The following SEMA5A variants were observed in gnomAD, a reference collection of about 807,000 sequenced individuals.
The protein encoded by SEMA5A is semaphorin 5A.
In SEMA5A, 55 loss-of-function variants were observed where a neutral mutation model predicts 135.5. That is an observed-to-expected ratio of 0.41 (90% confidence interval 0.33 to 0.51). The LOEUF (loss-of-function observed/expected upper bound fraction) is 0.51, where lower values mean the gene tolerates loss of function less well. Ranked by LOEUF, SEMA5A falls within the 20% of genes least tolerant of loss-of-function variation. The pLI is 0.37. For synonymous variants in SEMA5A, 580 were observed against 546.5 expected (o/e 1.06, Z -0.85); for missense variants, 1,290 against 1,419.9 (o/e 0.91, Z 1.47).
chr5:9,041,281 A>C lies in SEMA5A; in HGVS notation c.*1616T>G, dbSNP rs1275296974. The C allele has an allele frequency of 6.6e-6, 1 of 152,236 alleles. No individual in the cohort carries two copies. Among genetic ancestry groups the C allele is most frequent in the African/African-American group, 2.4e-5 (1 of 41,460 alleles). The allele number at this position is 152,236 out of a possible 1,614,324, so 9.4% of individuals were successfully genotyped here. ...AGGGTAAAATCACATATGCTAATAA[A>C]ATTCTATGTTCCTTAGTCCCCCTAC... On this transcript the variant is annotated 3_prime_UTR_variant, in exon 23 of 23. Transcript: ENST00000382496.
chr5:9,353,337 TGAAAGGAAAGGAAAGGGAAG>T (rs1754284996), intron 3 of SEMA5A, among the ~76,000 whole-genome samples: 1 of 55,370 alleles, frequency 1.8e-5, no homozygotes, highest in Non-Finnish European at 3.5e-5. Flanking sequence ...GGAAAGGAAA[TGAAAGGAAAGGAAAGGGAAG>T]GAAAGGAAAG....
At chr5:9,150,382 G>A (rs1234836279) in intron 12 of SEMA5A, among the ~76,000 whole-genome samples, 2 of 152,026 alleles carry the variant, frequency 1.3e-5, no homozygotes, top group African/African-American at 2.4e-5. Flanking sequence ...CAGTTTCTCT[G>A]GTACTCTACA....
intron 5 of SEMA5A, among the ~76,000 whole-genome samples, chr5:9,279,143 G>A (rs751180250): frequency 1.3e-5 from 2 of 152,226 alleles, no homozygotes; most frequent in Non-Finnish European, 1.5e-5. Context: ...AAAGCCACAG[G>A]GGCAGAGCTG....
chr5:9,063,103 G>A lies in SEMA5A; in HGVS notation c.2302C>T (p.Leu768Phe), dbSNP rs1372501518. Residue 768 changes from leucine (L) to phenylalanine (F), a missense_variant and splice_region_variant, in exon 18 of 23, where the codon CTT (leucine) becomes TTT (phenylalanine). By Grantham distance (22) the Leu-to-Phe change is conservative (BLOSUM62 0). This residue lies in a region of SEMA5A where 1,029 missense variants were observed against 1,086.6 expected (regional missense o/e 0.95). Coordinates refer to ENST00000382496, the MANE Select transcript of SEMA5A (RefSeq NM_003966.3). ...DGTSGCSTDG[L>F]SGDFLRAGRY... ...CCAGCACGCAGGAAATCCCCAGAAA[G>A]CCCTGCCAAGGAAACAGGTGAAGTG... 1 of 1,610,694 alleles carries A rather than the reference G, an allele frequency of 6.2e-7. No homozygotes were observed. The highest frequency in any genetic ancestry group is 8.5e-7 in the Non-Finnish European group (1 of 1,178,336).
intron 12 of SEMA5A, among the ~76,000 whole-genome samples, chr5:9,139,400 T>C (rs1036793051): frequency 1.3e-5 from 2 of 152,218 alleles, no homozygotes; most frequent in Non-Finnish European, 2.9e-5. Flanking sequence ...CACTGGATGT[T>C]ACCATATTTT....
chr5:9,340,181 G>A (rs1561163889), intron 3 of SEMA5A, among the ~76,000 whole-genome samples: 1 of 152,164 alleles, frequency 6.6e-6, no homozygotes, highest in African/African-American at 2.4e-5. Flanking sequence ...CCATAAAGAT[G>A]TTCTAGTTCA....
intron 18 of SEMA5A, among the ~76,000 whole-genome samples, chr5:9,055,305 A>G (rs1186632270): frequency 6.6e-6 from 1 of 152,240 alleles, no homozygotes; most frequent in Non-Finnish European, 1.5e-5. Context: ...ACGTTGTCAA[A>G]CAAGGTATTA....
intron 16 of SEMA5A, among the ~76,000 whole-genome samples, chr5:9,075,177 T>C (rs969899500): frequency 1.3e-5 from 2 of 152,264 alleles, no homozygotes; most frequent in Non-Finnish European, 2.9e-5. Flanking sequence ...CTGTTTTCTA[T>C]GCAGTAACTC....
chr5:9,279,644 TCACAGG>T (rs1750442030), intron 5 of SEMA5A, among the ~76,000 whole-genome samples: 1 of 152,052 alleles, frequency 6.6e-6, no homozygotes, highest in Non-Finnish European at 1.5e-5. Context: ...GGTGATTGGA[TCACAGG>T]GGCAGATTTC....
chr5:9,463,860 C>G (rs185025429), intron 1 of SEMA5A, among the ~76,000 whole-genome samples: 50 of 152,324 alleles, frequency 3.3e-4, no homozygotes, highest in South Asian at 1.4e-3. Context: ...TCCACACCCC[C>G]CTGAAGGTGT....
At chr5:9,288,531 C>T (rs1474637559) in intron 5 of SEMA5A, among the ~76,000 whole-genome samples, 13 of 152,276 alleles carry the variant, frequency 8.5e-5, no homozygotes, top group East Asian at 3.9e-4. Context: ...CAGAAACAGA[C>T]GCTGGGAGGG....
intron 1 of SEMA5A, among the ~76,000 whole-genome samples, chr5:9,536,353 C>T (rs1737765792): frequency 6.6e-6 from 1 of 152,124 alleles, no homozygotes; most frequent in Non-Finnish European, 1.5e-5. Flanking sequence ...TGGCTGATGC[C>T]TATAATCCCA....
At chr5:9,523,144 A>G (rs1340508117) in intron 1 of SEMA5A, 1 of 152,226 alleles carries the variant, frequency 6.6e-6, no homozygotes, top group Non-Finnish European at 1.5e-5. Flanking sequence ...AATGAAATCA[A>G]CAAATGAAAC....
At chr5:9,182,436 CAAG>C (rs1393770988) in intron 11 of SEMA5A, among the ~76,000 whole-genome samples, 3 of 152,192 alleles carry the variant, frequency 2.0e-5, no homozygotes, top group African/African-American at 4.8e-5. Context: ...ATCACTTCTA[CAAG>C]AAGACTTCTC....
chr5:9,323,540 AC>A (rs1367016706), intron 4 of SEMA5A, among the ~76,000 whole-genome samples: 2 of 152,172 alleles, frequency 1.3e-5, no homozygotes, highest in Non-Finnish European at 2.9e-5. Context: ...ACACAGATCA[AC>A]ATCTATTTAA....
chr5:9,062,354 G>T (rs1326437034), intron 18 of SEMA5A, among the ~76,000 whole-genome samples: 5 of 152,098 alleles, frequency 3.3e-5, no homozygotes, highest in African/African-American at 1.2e-4. Context: ...TGCTTGGAAT[G>T]ATTTAGGATT....
chr5:9,473,819 G>A (rs898875171), intron 1 of SEMA5A, among the ~76,000 whole-genome samples: 15 of 152,180 alleles, frequency 9.9e-5, no homozygotes, highest in African/African-American at 3.1e-4. Flanking sequence ...ATATCCAAGT[G>A]CTGCAGAAGC....
chr5:9,083,262 A>G (rs1048928978), intron 16 of SEMA5A, among the ~76,000 whole-genome samples: 1 of 152,208 alleles, frequency 6.6e-6, no homozygotes, highest in Non-Finnish European at 1.5e-5. Context: ...TGAATGTGTT[A>G]TCAGCATCAC....
chr5:9,230,658 T>A (rs756096222), intron 6 of SEMA5A, among the ~76,000 whole-genome samples: 4 of 152,080 alleles, frequency 2.6e-5, no homozygotes, highest in Non-Finnish European at 5.9e-5. Context: ...ATCCAGATGA[T>A]CAGGCAAGGA....
Sources: allele counts gnomAD v4.1 joint callset (sites outside exome capture counted in the v4.1 genomes callset), GRCh38; gene constraint gnomAD v4.1.1; regional missense constraint gnomAD v4.1.1; transcripts MANE v1.5; gene names NCBI Gene and HGNC (gene_info 2026-07-23, HGNC 2026-07-21).